ADGRL3: variants seen among roughly 807,000 people sequenced by gnomAD.
The protein encoded by ADGRL3 is adhesion G protein-coupled receptor L3, also known as calcium-independent alpha-latrotoxin receptor 3.
A neutral mutation model predicts 153.5 loss-of-function variants in ADGRL3; 62 were observed. The observed-to-expected ratio is 0.40, with a 90% CI of 0.33 to 0.50. The LOEUF (loss-of-function observed/expected upper bound fraction) is 0.50. Among genes scored for constraint, ADGRL3 ranks in the 20% least tolerant of loss-of-function variants. The probability of loss-of-function intolerance (pLI) is 0.47; values close to 1 mark genes in which losing one functional copy is unlikely to be tolerated. For missense variants in ADGRL3, 1,641 were observed against 1,859.4 expected (o/e 0.88, Z 2.16); for synonymous variants, 710 against 672.5 (o/e 1.06, Z -0.86).
intron 9 of ADGRL3, among the ~76,000 whole-genome samples, chr4:61,889,623 G>A (rs1318233980): frequency 2.0e-5 from 3 of 152,066 alleles, no homozygotes; most frequent in Non-Finnish European, 4.4e-5. Flanking sequence ...ACATGGTACT[G>A]GTGCTGTTGT....
chr4:61,339,045 A>G (rs2095748024), intron 1 of ADGRL3, among the ~76,000 whole-genome samples: 1 of 152,092 alleles, frequency 6.6e-6, no homozygotes, highest in African/African-American at 2.4e-5. Context: ...GATTTATACA[A>G]TTCCCCTCAT....
At chr4:61,544,384 T>G (rs2098704187) in intron 4 of ADGRL3, among the ~76,000 whole-genome samples, 1 of 152,228 alleles carries the variant, frequency 6.6e-6, no homozygotes, top group Admixed American at 6.5e-5. Context: ...TCTATAAATT[T>G]ATTCTTTATA....
intron 24 of ADGRL3, among the ~76,000 whole-genome samples, chr4:62,041,162 T>C (rs1398444706): frequency 1.3e-5 from 2 of 152,126 alleles, no homozygotes; most frequent in African/African-American, 4.8e-5. Flanking sequence ...GTAAACATTA[T>C]GTTGCTACAT....
At chr4:61,230,987 T>C (rs1260274582) in intron 1 of ADGRL3, among the ~76,000 whole-genome samples, 1 of 152,190 alleles carries the variant, frequency 6.6e-6, no homozygotes, top group Non-Finnish European at 1.5e-5. Flanking sequence ...GGACTTACTA[T>C]GCTTATTTAA....
Position 61,484,309 on chromosome 4 carries a change from A to G in ADGRL3, c.-173-12812A>G, listed in dbSNP as rs149283115. Among the ~76,000 whole-genome samples, 125 of 152,276 alleles carry G rather than the reference A, an allele frequency of 8.2e-4. 1 individual carries two copies. Among genetic ancestry groups the G allele is most frequent in the African/African-American group, 2.8e-3 (115 of 41,558 alleles). On this transcript the variant is annotated intron_variant, in intron 2 of 26. Coordinates refer to ENST00000683033, the MANE Select transcript of ADGRL3 (RefSeq NM_001387552.1). ...CGTTTTGACTACCAATTAAAACCCT[A>G]AAAGCTGAGGAGATGTTTTTGACTG...
chr4:61,779,056 TC>T (rs2097184439), intron 8 of ADGRL3, among the ~76,000 whole-genome samples: 1 of 141,138 alleles, frequency 7.1e-6, no homozygotes. Flanking sequence ...AGACTCTGTC[TC>T]AAAAAAAAAA....
intron 9 of ADGRL3, among the ~76,000 whole-genome samples, chr4:61,837,308 A>T (rs1285526934): frequency 6.6e-6 from 1 of 152,188 alleles, no homozygotes; most frequent in Non-Finnish European, 1.5e-5. Flanking sequence ...AAGCTTATTT[A>T]AAAGTGTAAT....
chr4:62,056,480 C>A (rs1335326145), intron 25 of ADGRL3, among the ~76,000 whole-genome samples: 1 of 151,904 alleles, frequency 6.6e-6, no homozygotes, highest in Admixed American at 6.6e-5. Flanking sequence ...AAACATATAC[C>A]TAAATCATTT....
chr4:61,472,861 A>T (rs907167130), intron 2 of ADGRL3, among the ~76,000 whole-genome samples: 2 of 152,054 alleles, frequency 1.3e-5, no homozygotes, highest in African/African-American at 4.8e-5. Context: ...GCTTTCTCAT[A>T]TGTAAAGTGA....
At chr4:61,990,952 C>CTGTGTGTG (rs34294452) in intron 19 of ADGRL3, among the ~76,000 whole-genome samples, 197 of 142,360 alleles carry the variant, frequency 1.4e-3, no homozygotes, top group African/African-American at 4.0e-3. Flanking sequence ...ATGTTTGAAA[C>CTGTGTGTG]TGTGTGTGTG....
At chr4:61,875,245 G>A (rs62304413) in intron 9 of ADGRL3, among the ~76,000 whole-genome samples, 4,055 of 152,192 alleles carry the variant, frequency 0.027, 72 homozygotes, top group Non-Finnish European at 0.043. Context: ...ATTATTTGGG[G>A]TTGGAGGATT....
chr4:61,472,100 C>T (rs1427131470), intron 2 of ADGRL3, among the ~76,000 whole-genome samples: 2 of 151,978 alleles, frequency 1.3e-5, no homozygotes, highest in African/African-American at 4.8e-5. Flanking sequence ...TGTTTAAAGG[C>T]ATTGCTTATT....
At chr4:62,009,762 A>G (rs2099175335) in intron 21 of ADGRL3, among the ~76,000 whole-genome samples, 1 of 152,094 alleles carries the variant, frequency 6.6e-6, no homozygotes, top group African/African-American at 2.4e-5. Context: ...CAGACCCTAC[A>G]GGTTAACAGC....
chr4:61,338,751 A>G (rs1370930118), intron 1 of ADGRL3, among the ~76,000 whole-genome samples: 1 of 152,204 alleles, frequency 6.6e-6, no homozygotes, highest in Non-Finnish European at 1.5e-5. Flanking sequence ...ATATACCAAT[A>G]TGTTTTTCCA....
At chr4:61,444,104 C>A (rs1192638443) in intron 2 of ADGRL3, among the ~76,000 whole-genome samples, 1 of 152,172 alleles carries the variant, frequency 6.6e-6, no homozygotes, top group Non-Finnish European at 1.5e-5. Context: ...ATATGCAAAT[C>A]CATTCTATGC....
At chr4:61,787,578 A>T (rs1456307388) in intron 8 of ADGRL3, among the ~76,000 whole-genome samples, 1 of 152,144 alleles carries the variant, frequency 6.6e-6, no homozygotes, top group Non-Finnish European at 1.5e-5. Flanking sequence ...TACCCAAAAC[A>T]AATTCATTCA....
At chr4:62,007,670 C>T (rs545358869) in intron 21 of ADGRL3, among the ~76,000 whole-genome samples, 83 of 151,522 alleles carry the variant, frequency 5.5e-4, no homozygotes, top group African/African-American at 1.9e-3. Flanking sequence ...ACATGTGGGG[C>T]CTCATGCACA....
intron 9 of ADGRL3, among the ~76,000 whole-genome samples, chr4:61,885,266 T>A (rs1018056959): frequency 1.3e-5 from 2 of 151,978 alleles, no homozygotes; most frequent in Non-Finnish European, 2.9e-5. Flanking sequence ...AGGCGGAGGT[T>A]GTGATGAGCT....
At chr4:61,966,258 T>C (rs1393444971) in intron 17 of ADGRL3, among the ~76,000 whole-genome samples, 1 of 152,190 alleles carries the variant, frequency 6.6e-6, no homozygotes, top group Non-Finnish European at 1.5e-5. Context: ...AGAATGAATC[T>C]ACCAAAATTT....
Sources: gnomAD v4.1 joint callset for allele counts (sites outside exome capture counted in the v4.1 genomes callset) on GRCh38, gnomAD v4.1.1 for gene constraint, MANE v1.5 for transcripts, NCBI Gene and HGNC (gene_info 2026-07-23, HGNC 2026-07-21) for gene names.